The following LRRIQ3 variants were observed in gnomAD, a reference collection of about 807,000 sequenced individuals.
LRRIQ3 encodes leucine-rich repeat and IQ domain-containing protein 3.
A neutral mutation model predicts 59.3 loss-of-function variants in LRRIQ3; 75 were observed. The observed-to-expected ratio is 1.26, with a 90% CI of 1.05 to 1.53. LRRIQ3 has a LOEUF of 1.53. LRRIQ3 is among the 40% of genes most tolerant of loss of function. LRRIQ3 has a pLI of 0.00. For synonymous variants in LRRIQ3, 250 were observed against 231.3 expected (o/e 1.08, Z -0.73); for missense variants, 831 against 710.0 (o/e 1.17, Z -1.94).
At chr1:74,162,683 G>A (rs1167769142) in intron 3 of LRRIQ3, among the ~76,000 whole-genome samples, 1 of 151,702 alleles carries the variant, frequency 6.6e-6, no homozygotes, top group East Asian at 1.9e-4. Context: ...AATGCATATT[G>A]TACTTATATA....
chr1:74,168,215 T>C (rs530030724), intron 3 of LRRIQ3, among the ~76,000 whole-genome samples: 6 of 152,198 alleles, frequency 3.9e-5, no homozygotes, highest in South Asian at 2.1e-4. Context: ...ATTTGTAGAT[T>C]TGCCTATCTC....
At chr1:74,114,110 G>A (rs893254912) in intron 4 of LRRIQ3, among the ~76,000 whole-genome samples, 2 of 151,798 alleles carry the variant, frequency 1.3e-5, no homozygotes, top group African/African-American at 2.4e-5. Flanking sequence ...AAGGAGGCAG[G>A]TGAGAGCAAG....
intron 4 of LRRIQ3, among the ~76,000 whole-genome samples, chr1:74,155,203 A>C (rs967355037): frequency 2.0e-5 from 3 of 152,212 alleles, no homozygotes; most frequent in African/African-American, 7.2e-5. Flanking sequence ...TATGTTTGAC[A>C]TTTGGTATGA....
chr1:74,104,375 A>G (rs564651916), intron 5 of LRRIQ3, among the ~76,000 whole-genome samples: 4 of 152,126 alleles, frequency 2.6e-5, no homozygotes, highest in Admixed American at 2.6e-4. Flanking sequence ...CCACACAAAA[A>G]CTTGCATACA....
chr1:74,123,918 A>C (rs1333201850), intron 4 of LRRIQ3, among the ~76,000 whole-genome samples: 1 of 151,956 alleles, frequency 6.6e-6, no homozygotes, highest in African/African-American at 2.4e-5. Flanking sequence ...CTACATTCCT[A>C]CCAACAATGC....
Position 74,198,117 on chromosome 1 carries a change from T to A in LRRIQ3, c.-122A>T, listed in dbSNP as rs139721001. On this transcript the variant is annotated 5_prime_UTR_variant, in exon 1 of 8. An upstream start codon of the reference 5' UTR is lost. Coordinates refer to ENST00000354431, the MANE Select transcript of LRRIQ3 (RefSeq NM_001105659.2). Reference sequence around the variant, plus strand: ...CCGTTGCTAGAGAAACAAGACAACATCCAAGTTCTCCACATCATGGTTTTC... The same window carrying A: ...CCGTTGCTAGAGAAACAAGACAACAACCAAGTTCTCCACATCATGGTTTTC... 6 of 1,398,132 alleles carry A rather than the reference T, an allele frequency of 4.3e-6. No homozygotes were observed. In the Admixed American group the frequency reaches 8.2e-5, roughly 19 times the overall value. 86.6% of individuals were successfully genotyped at this position (1,398,132 alleles called of 1,614,324 possible).
intron 6 of LRRIQ3, among the ~76,000 whole-genome samples, chr1:74,069,036 T>C (rs907422396): frequency 2.0e-5 from 3 of 152,044 alleles, no homozygotes; most frequent in African/African-American, 7.2e-5. Context: ...GTAAAATAAC[T>C]AAAGACTGCA....
intron 6 of LRRIQ3, among the ~76,000 whole-genome samples, chr1:74,045,363 C>T (rs535179589): frequency 4.6e-5 from 7 of 152,264 alleles, no homozygotes; most frequent in Admixed American, 4.6e-4. Context: ...ATAAAAGCCA[C>T]ATGATTATCT....
At chr1:74,145,732 TTAAG>T (rs1313687112) in intron 4 of LRRIQ3, among the ~76,000 whole-genome samples, 1 of 152,156 alleles carries the variant, frequency 6.6e-6, no homozygotes, top group East Asian at 1.9e-4. Context: ...TATATTTGTA[TTAAG>T]TATTTAAATG....
At chr1:74,056,721 A>G (rs944128206) in intron 6 of LRRIQ3, among the ~76,000 whole-genome samples, 4 of 152,170 alleles carry the variant, frequency 2.6e-5, no homozygotes, top group African/African-American at 9.7e-5. Context: ...AGGAACACAA[A>G]AATAAATGGA....
At chr1:74,128,815 A>G (rs1218647617) in intron 4 of LRRIQ3, among the ~76,000 whole-genome samples, 1 of 152,118 alleles carries the variant, frequency 6.6e-6, no homozygotes, top group African/African-American at 2.4e-5. Context: ...TCATATATAC[A>G]TTAGGGGGCA....
chr1:74,163,338 T>C (rs1464798022), intron 3 of LRRIQ3, among the ~76,000 whole-genome samples: 2 of 151,606 alleles, frequency 1.3e-5, no homozygotes, highest in East Asian at 3.9e-4. Flanking sequence ...ATGGAATCTT[T>C]TGCATTATTT....
chr1:74,180,697 T>C (rs1398517988), intron 3 of LRRIQ3: 2 of 1,548,008 alleles, frequency 1.3e-6, no homozygotes, highest in South Asian at 1.2e-5. Flanking sequence ...TGCAGACTTG[T>C]TGAAATCCCA....
chr1:74,150,401 T>C (rs1647855381), intron 4 of LRRIQ3, among the ~76,000 whole-genome samples: 1 of 152,196 alleles, frequency 6.6e-6, no homozygotes, highest in African/African-American at 2.4e-5. Flanking sequence ...TTCTTCTTTT[T>C]TTAATTATCA....
At chr1:74,191,339 T>A (rs1420606284) in intron 1 of LRRIQ3, among the ~76,000 whole-genome samples, 1 of 152,138 alleles carries the variant, frequency 6.6e-6, no homozygotes, top group Admixed American at 6.6e-5. Context: ...CAGATACTCA[T>A]ATCTATGTTA....
intron 4 of LRRIQ3, among the ~76,000 whole-genome samples, chr1:74,154,237 TCTCAAAAAAAAAAA>T (rs1648171340): frequency 4.5e-5 from 2 of 44,570 alleles, no homozygotes; most frequent in Non-Finnish European, 7.3e-5. Flanking sequence ...CGAGACTCCT[TCTCAAAAAAAAAAA>T]AAAAAAAAAA....
At position 74,026,742 on chromosome 1, in the gene LRRIQ3, A is replaced by G; in HGVS notation, c.*71T>C. 1 of 1,266,320 alleles carries G rather than the reference A, an allele frequency of 7.9e-7. No individual in the cohort carries two copies. Among genetic ancestry groups the G allele is most frequent in the South Asian group, 1.4e-5 (1 of 71,842 alleles). 78.4% of individuals were successfully genotyped at this position (1,266,320 alleles called of 1,614,324 possible). ...AGAGTATTTCTTGCTTTAGAGTATT[A>G]TTTCAAATTCCTTCAACTAAAAATA... On this transcript the variant is annotated 3_prime_UTR_variant, in exon 8 of 8. Transcript: ENST00000354431.
chr1:74,134,626 G>C (rs1647089349), intron 4 of LRRIQ3, among the ~76,000 whole-genome samples: 1 of 151,756 alleles, frequency 6.6e-6, no homozygotes, highest in Admixed American at 6.6e-5. Flanking sequence ...GGAAGGTAGA[G>C]GGATTTAAGT....
chr1:74,169,172 T>C (rs1481850486), intron 3 of LRRIQ3, among the ~76,000 whole-genome samples: 2 of 152,154 alleles, frequency 1.3e-5, no homozygotes, highest in African/African-American at 2.4e-5. Context: ...AATCATCCGG[T>C]ATTTGTCCTT....
Sources: allele counts gnomAD v4.1 joint callset (sites outside exome capture counted in the v4.1 genomes callset), GRCh38; gene constraint gnomAD v4.1.1; transcripts MANE v1.5; gene names NCBI Gene and HGNC (gene_info 2026-07-23, HGNC 2026-07-21).